SLC25A21: variants seen among roughly 807,000 people sequenced by gnomAD.
SLC25A21 encodes the protein solute carrier family 25 member 21.
SLC25A21 carries 47 observed loss-of-function variants against 43.8 expected under a neutral mutation model. The ratio of observed to expected loss-of-function variants is 1.07; its 90% CI spans 0.85 to 1.37. The LOEUF (loss-of-function observed/expected upper bound fraction) is 1.37, where lower values mean the gene tolerates loss of function less well. Among genes scored for constraint, SLC25A21 ranks in the 40% most tolerant of loss-of-function variants. The pLI is 0.00. For missense variants in SLC25A21, 352 were observed against 350.2 expected (o/e 1.00, Z -0.04); for synonymous variants, 131 against 121.3 (o/e 1.08, Z -0.52).
chr14:36,908,562 C>T (rs1010958347), intron 1 of SLC25A21, among the ~76,000 whole-genome samples: 1 of 152,176 alleles, frequency 6.6e-6, no homozygotes, highest in African/African-American at 2.4e-5. Flanking sequence ...TTATGATTTC[C>T]ATCCTATCCA....
chr14:37,073,821 G>T (rs1411019562), intron 1 of SLC25A21, among the ~76,000 whole-genome samples: 1 of 151,974 alleles, frequency 6.6e-6, no homozygotes, highest in African/African-American at 2.4e-5. Flanking sequence ...AGCCTCCTGC[G>T]ATCCCACTGC....
intron 1 of SLC25A21, among the ~76,000 whole-genome samples, chr14:36,916,607 T>G (rs1891839875): frequency 6.6e-6 from 1 of 152,222 alleles, no homozygotes; most frequent in Non-Finnish European, 1.5e-5. Context: ...TTGTTGCTTT[T>G]GTTTAAATGA....
intron 6 of SLC25A21, among the ~76,000 whole-genome samples, chr14:36,715,742 G>A (rs911732675): frequency 1.3e-5 from 2 of 152,148 alleles, no homozygotes; most frequent in Non-Finnish European, 2.9e-5. Flanking sequence ...TTCTATAATG[G>A]TTATGGGAAA....
chr14:37,063,579 G>A (rs1458308816), intron 1 of SLC25A21, among the ~76,000 whole-genome samples: 1 of 152,022 alleles, frequency 6.6e-6, no homozygotes, highest in African/African-American at 2.4e-5. Context: ...CACAACTGAG[G>A]TGCATGTTGT....
intron 1 of SLC25A21, among the ~76,000 whole-genome samples, chr14:36,882,797 C>G (rs1205360414): frequency 6.6e-6 from 1 of 151,514 alleles, no homozygotes; most frequent in Non-Finnish European, 1.5e-5. Flanking sequence ...CCTAGATATT[C>G]AGTCTAAAAC....
chr14:37,109,253 C>T (rs573275753), intron 1 of SLC25A21, among the ~76,000 whole-genome samples: 22 of 152,066 alleles, frequency 1.4e-4, no homozygotes, highest in South Asian at 2.1e-4. Flanking sequence ...CGATGGTGTG[C>T]GTGATTCTAC....
chr14:36,728,806 T>C (rs112577494), intron 5 of SLC25A21, among the ~76,000 whole-genome samples: 45 of 152,348 alleles, frequency 3.0e-4, no homozygotes, highest in Non-Finnish European at 5.9e-4. Context: ...TTGTTTTGCT[T>C]TGCTTTGCAG....
chr14:36,855,947 T>C (rs1282530357), intron 2 of SLC25A21, among the ~76,000 whole-genome samples: 1 of 152,176 alleles, frequency 6.6e-6, no homozygotes, highest in Non-Finnish European at 1.5e-5. Context: ...GAAGGTATTA[T>C]TGGCATCTAG....
intron 2 of SLC25A21, among the ~76,000 whole-genome samples, chr14:36,862,613 C>G (rs370574435): frequency 2.7e-3 from 394 of 146,454 alleles, no homozygotes; most frequent in African/African-American, 9.4e-3. Context: ...CTTTCAGGGG[C>G]TGTGGGGCTA....
intron 1 of SLC25A21, among the ~76,000 whole-genome samples, chr14:37,098,806 T>TAG (rs1491150034): frequency 2.4e-4 from 1 of 4,170 alleles, no homozygotes; most frequent in Admixed American, 7.6e-3. Context: ...GATAGATAGA[T>TAG]TTTTTTTTTT....
chr14:36,731,900 G>A (rs115439949), intron 4 of SLC25A21, among the ~76,000 whole-genome samples: 1 of 152,098 alleles, frequency 6.6e-6, no homozygotes, highest in African/African-American at 2.4e-5. Flanking sequence ...CCTGGGCTCT[G>A]CCTCAGTTTC....
chr14:36,799,415 T>TTC (rs1335970088), intron 3 of SLC25A21, among the ~76,000 whole-genome samples: 1 of 152,134 alleles, frequency 6.6e-6, no homozygotes, highest in African/African-American at 2.4e-5. Flanking sequence ...ATGGTGGTGT[T>TTC]TCTCATATGT....
At chr14:36,781,014 C>G (rs1203388290) in intron 3 of SLC25A21, among the ~76,000 whole-genome samples, 1 of 152,054 alleles carries the variant, frequency 6.6e-6, no homozygotes, top group Non-Finnish European at 1.5e-5. Context: ...CTACTGTTGG[C>G]TGAGTATATA....
intron 1 of SLC25A21, among the ~76,000 whole-genome samples, chr14:37,133,184 C>A (rs376215762): frequency 8.6e-5 from 13 of 152,020 alleles, no homozygotes; most frequent in African/African-American, 3.1e-4. Flanking sequence ...CATGCAAACA[C>A]ACAAACACGA....
At chr14:36,838,217 C>G (rs1192261059) in intron 2 of SLC25A21, among the ~76,000 whole-genome samples, 1 of 152,152 alleles carries the variant, frequency 6.6e-6, no homozygotes, top group Non-Finnish European at 1.5e-5. Context: ...TGTGAGGATA[C>G]GGGCTTGCTG....
At chr14:36,976,710 A>G (rs1054060975) in intron 1 of SLC25A21, among the ~76,000 whole-genome samples, 4 of 152,204 alleles carry the variant, frequency 2.6e-5, no homozygotes, top group Non-Finnish European at 1.5e-5. Flanking sequence ...TCACTTGCCA[A>G]CCACTGGCTG....
intron 3 of SLC25A21, among the ~76,000 whole-genome samples, chr14:36,747,237 A>T (rs1240235219): frequency 6.6e-6 from 1 of 152,044 alleles, no homozygotes; most frequent in African/African-American, 2.4e-5. Context: ...TATTAATTTG[A>T]TGTTATTTGT....
intron 1 of SLC25A21, among the ~76,000 whole-genome samples, chr14:37,005,689 C>A (rs1255358996): frequency 6.6e-6 from 1 of 151,968 alleles, no homozygotes; most frequent in Non-Finnish European, 1.5e-5. Context: ...TGTAGATACA[C>A]ACACACACAC....
At chr14:36,733,273 T>C (rs1442473878) in intron 4 of SLC25A21, among the ~76,000 whole-genome samples, 1 of 152,238 alleles carries the variant, frequency 6.6e-6, no homozygotes, top group Non-Finnish European at 1.5e-5. Flanking sequence ...CAATCTTTTA[T>C]CAAGTAAAGC....
Sources: gnomAD v4.1 joint callset for allele counts (sites outside exome capture counted in the v4.1 genomes callset) on GRCh38, gnomAD v4.1.1 for gene constraint, MANE v1.5 for transcripts, NCBI Gene and HGNC (gene_info 2026-07-23, HGNC 2026-07-21) for gene names.